Variants in NOL6 observed in about 807,000 individuals in gnomAD.
NOL6 encodes nucleolar protein 6, also known as nucleolar RNA-associated protein.
Under a neutral mutation model 131.7 loss-of-function variants are expected in NOL6, and 33 were observed. The observed-to-expected ratio is 0.25, with a 90% CI of 0.19 to 0.33. The LOEUF is 0.33. Ranked by LOEUF, NOL6 falls within the 10% of genes least tolerant of loss-of-function variation. The pLI is 1.00. For missense variants in NOL6, 1,297 were observed against 1,494.5 expected (o/e 0.87, Z 2.18); for synonymous variants, 580 against 605.7 (o/e 0.96, Z 0.62).
chr9:33,465,906 A>G lies in NOL6; in HGVS notation c.2365-9T>C, dbSNP rs200257797. 994 of 1,612,820 alleles carry G rather than the reference A, an allele frequency of 6.2e-4. 3 individuals carry two copies. Among genetic ancestry groups the G allele is most frequent in the South Asian group, 4.3e-3 (392 of 91,000 alleles). ...CGAAACACAAATCCATCCTGTTGGAAGAAGGTATGGAAAGAGAAGGATGTG... is the reference window on the plus strand; with the variant it reads ...CGAAACACAAATCCATCCTGTTGGAGGAAGGTATGGAAAGAGAAGGATGTG... On this transcript the variant is annotated splice_polypyrimidine_tract_variant and intron_variant, in intron 18 of 25. Coordinates refer to ENST00000297990, the MANE Select transcript of NOL6 (RefSeq NM_022917.5).
At chr9:33,463,663 C>A (rs980887883) in intron 23 of NOL6, among the ~76,000 whole-genome samples, 168 bp downstream of exon 23, 1 of 152,200 alleles carries the variant, frequency 6.6e-6, no homozygotes, top group Non-Finnish European at 1.5e-5. Context: ...CCAGATGGAA[C>A]CCAGGTTCCC....
chr9:33,467,622 C>T lies in NOL6; in HGVS notation c.1602+69G>A, dbSNP rs1307070950. The T allele has an allele frequency of 4.5e-6, 7 of 1,558,942 alleles. No individual in the cohort carries two copies. Among genetic ancestry groups the T allele is most frequent in the Non-Finnish European group, 6.1e-6 (7 of 1,151,066 alleles). ...CGCCTAGCTGGAGGAATGGTGTGTCCTTTGTGTCTCTTGGGACCCTGGATC... is the reference window on the plus strand; with the variant it reads ...CGCCTAGCTGGAGGAATGGTGTGTCTTTTGTGTCTCTTGGGACCCTGGATC... On this transcript the variant is annotated intron_variant, in intron 12 of 25. Transcript: ENST00000297990. This position sits in a 1 kb window ranked among gnomAD's most constrained non-coding sequence, Gnocchi z 4.4.
At chr9:33,472,934 T>C in intron 1 of NOL6, among the ~76,000 whole-genome samples, 1 of 149,332 alleles carries the variant, frequency 6.7e-6, no homozygotes, top group Non-Finnish European at 1.5e-5. Flanking sequence ...GATCGTGCCA[T>C]TGCATTCTAG....
intron 1 of NOL6, chr9:33,472,621 C>T: frequency 1.7e-6 from 1 of 589,338 alleles, no homozygotes; most frequent in Admixed American, 2.9e-5. Flanking sequence ...TAAGAGCTCT[C>T]CTGTCTACCT....
rs746091038 is a variant in NOL6 at position 33,466,169 on chromosome 9, G to A, written c.2266C>T (p.Arg756Trp). ...CGCAGCTGGAAGGCAGCTCGGACCCGCTGCACGGCCTCAGCGTCCTGTGGC... is the reference window on the plus strand; with the variant it reads ...CGCAGCTGGAAGGCAGCTCGGACCCACTGCACGGCCTCAGCGTCCTGTGGC... ...QWPQDAEAVQ[R>W]VRAAFQLRLA... is the part of the protein sequence containing the mutation. Residue 756 changes from arginine (R) to tryptophan (W), a missense_variant, in exon 18 of 26, where the codon CGG becomes TGG. Transcript: ENST00000297990. 6.2e-6 allele frequency: 10 copies of A among 1,613,140 alleles called. No individual in the cohort carries two copies. Among genetic ancestry groups the A allele is most frequent in the Middle Eastern group, 3.3e-4 (2 of 6,048 alleles).
chr9:33,462,865 G>C (rs1827135562), intron 25 of NOL6, 52 bp from the exon 26 acceptor site: 3 of 1,607,460 alleles, frequency 1.9e-6, no homozygotes, highest in African/African-American at 2.7e-5. Context: ...GGCACACCCA[G>C]AGACACCAAG....
chr9:33,462,522 G>C lies in NOL6; in HGVS notation c.*142C>G. 1 of 956,278 alleles carries C rather than the reference G, an allele frequency of 1.0e-6. No homozygotes were observed. The highest frequency in any genetic ancestry group is 1.6e-6 in the Non-Finnish European group (1 of 642,200). 59.2% of individuals were successfully genotyped at this position (956,278 alleles called of 1,614,324 possible). On this transcript the variant is annotated 3_prime_UTR_variant, in exon 26 of 26. Transcript: ENST00000297990. ...AGAGAGAAAGTTGGGGCTGGGTTTT[G>C]TTGGAGATGATTCAGCATGTTCAGC...
In NOL6 at chr9:33,463,323, A is replaced by G; in HGVS notation, c.3113T>C (p.Leu1038Pro). The G allele has an allele frequency of 1.2e-6, 2 of 1,614,130 alleles. No homozygotes were observed. The highest frequency in any genetic ancestry group is 2.2e-5 in the South Asian group (2 of 91,076). Reference sequence around the variant, plus strand: ...CAGGGATGAGGGCCCCGGCTGGCTGAGCAGGCCCCGGCAGAAGGAGGCAGC... The same window carrying G: ...CAGGGATGAGGGCCCCGGCTGGCTGGGCAGGCCCCGGCAGAAGGAGGCAGC... ...SPAASFCRGL[L>P]SQPGPSSLMP... Residue 1038 changes from leucine (L) to proline (P), a missense_variant, in exon 24 of 26, where the codon CTC (leucine) becomes CCC (proline). Leu to Pro is a moderately conservative substitution (Grantham distance 98). Transcript: ENST00000297990.
Position 33,468,971 on chromosome 9 carries a change from C to G in NOL6, c.1013G>C (p.Arg338Pro). 6.2e-7 allele frequency: 1 copy of G among 1,614,126 alleles called. No individual in the cohort carries two copies. The highest frequency in any genetic ancestry group is 8.5e-7 in the Non-Finnish European group (1 of 1,180,000). Residue 338 changes from arginine to proline, a missense_variant, in exon 7 of 26, where the codon CGG becomes CCG. Physicochemically the swap from Arg to Pro is moderately radical, Grantham distance 103 (BLOSUM62 -2). Coordinates refer to ENST00000297990, the MANE Select transcript of NOL6 (RefSeq NM_022917.5). ...VALLKVWLRQ[R>P]ELDKGQGGFT... is the part of the protein sequence containing the mutation. The stretch of plus-strand genomic sequence containing the variant: ...CCCCCAACTCACCTTGTCCAGCTCC[C>G]GCTGCCGCAGCCAGACCTTCAGAAG...
In NOL6 at chr9:33,466,614, G is replaced by A. The variant is rs149756656; in HGVS notation, c.2046C>T (p.Thr682=). 78 of 1,614,060 alleles carry A rather than the reference G, an allele frequency of 4.8e-5. No homozygotes were observed. In the Middle Eastern group the frequency reaches 4.9e-4, roughly 10 times the overall value. ...GGTGAGCTCCCTGAACAGCAGACAC[G>A]GTCAGTGGGAGACCCTCTAGCCCCC... The part of the protein sequence containing the change: ...LLWGLEGLPL[T]VSAVQGAHPV... The change falls in exon 16 of 26, where the codon ACC becomes ACT. Residue 682 remains threonine, a synonymous_variant. Coordinates refer to ENST00000297990, the MANE Select transcript of NOL6 (RefSeq NM_022917.5).
rs1827244467 is a variant in NOL6 at position 33,466,412 on chromosome 9, G to A, written c.2105C>T (p.Thr702Ile). 1 of 1,614,120 alleles carries A rather than the reference G, an allele frequency of 6.2e-7. No homozygotes were observed. The highest frequency in any genetic ancestry group is 1.3e-5 in the African/African-American group (1 of 74,950). The change falls in exon 17 of 26, where the codon ACT becomes ATT. Residue 702 changes from threonine to isoleucine, a missense_variant. By Grantham distance (89) the Thr-to-Ile change is moderately conservative. Transcript: ENST00000297990. Reference sequence around the variant, plus strand: ...GAAGGAGAAGGCTGGACGGACTGGAGTTGGTGGGAACACCTGTGGAAGAAG... The same window carrying A: ...GAAGGAGAAGGCTGGACGGACTGGAATTGGTGGGAACACCTGTGGAAGAAG... ...VLRYTEVFPPTPVRPAFSFYE... is the reference protein window; with the variant it reads ...VLRYTEVFPPIPVRPAFSFYE...
Position 33,464,903 on chromosome 9 carries a change from C to T in NOL6, c.2755G>A (p.Val919Ile). ...CCAGTGAGCTCATTATTGAGGTTGA[C>T]AAAGAGGGGGTTGTTCTTCCAATCA... ...TFDWKNNPLFVNLNNELTVEE... is the reference protein window; with the variant it reads ...TFDWKNNPLFINLNNELTVEE... Residue 919 changes from valine to isoleucine, a missense_variant, in exon 21 of 26, where the codon GTC (valine) becomes ATC (isoleucine). Physicochemically the swap from Val to Ile is conservative, Grantham distance 29. Coordinates refer to ENST00000297990, the MANE Select transcript of NOL6 (RefSeq NM_022917.5). The T allele has an allele frequency of 6.2e-7, 1 of 1,613,822 alleles. No homozygotes were observed. The highest frequency in any genetic ancestry group is 8.5e-7 in the Non-Finnish European group (1 of 1,179,832).
Position 33,468,345 on chromosome 9 carries a change from A to G in NOL6, c.1284T>C (p.Asp428=). Residue 428 remains aspartate (D), a synonymous_variant, in exon 10 of 26, where the codon GAT becomes GAC. Coordinates refer to ENST00000297990, the MANE Select transcript of NOL6 (RefSeq NM_022917.5). ...DSSGHLNLCA[D]VTASTYHQVQ... ...CCTGGTGGTAAGTAGAGGCAGTGAC[A>G]TCAGCACAGAGGTTGAGATGGCCTG... The G allele has an allele frequency of 6.2e-7, 1 of 1,614,110 alleles. No homozygotes were observed. The highest frequency in any genetic ancestry group is 8.5e-7 in the Non-Finnish European group (1 of 1,179,984).
rs527831497 is a variant in NOL6 at position 33,462,892 on chromosome 9, G to T, written c.3292-79C>A. The T allele has an allele frequency of 2.1e-5, 33 of 1,585,222 alleles. No homozygotes were observed. In the South Asian group the frequency reaches 3.8e-4, roughly 18 times the overall value. ...GACACCAAGCTGGGTACAGAGTGGGGGTGGTGGGGATAGAAACACAAGCCC... is the reference window on the plus strand; with the variant it reads ...GACACCAAGCTGGGTACAGAGTGGGTGTGGTGGGGATAGAAACACAAGCCC... On this transcript the variant is annotated intron_variant, in intron 25 of 25. Coordinates refer to ENST00000297990, the MANE Select transcript of NOL6 (RefSeq NM_022917.5).
chr9:33,468,598 T>TTAGAAGTGTC, intron 8 of NOL6, 32 bp from the exon 9 acceptor site: 1 of 1,606,846 alleles, frequency 6.2e-7, no homozygotes, highest in Non-Finnish European at 8.5e-7. Context: ...TTAGAAGGTA[T>TTAGAAGTGTC]CCCCTTCTGG....
chr9:33,472,038 C>T lies in NOL6; in HGVS notation c.344G>A (p.Arg115Gln), dbSNP rs148515044. The change falls in exon 3 of 26, where the codon CGG (arginine) becomes CAG (glutamine). Residue 115 changes from arginine (R) to glutamine (Q), a missense_variant. By Grantham distance (43) the Arg-to-Gln change is conservative. Coordinates refer to ENST00000297990, the MANE Select transcript of NOL6 (RefSeq NM_022917.5). ...IDAFLREVNQ[R>Q]VVRVPSVPET... is the part of the protein sequence containing the mutation. ...AGGGACTGAGGGCACCCTCACAACC[C>T]GCTGGTTGACCTCCCGTAGGAAGGC... The T allele has an allele frequency of 4.2e-5, 67 of 1,612,676 alleles. No homozygotes were observed. The highest frequency in any genetic ancestry group is 5.1e-5 in the Non-Finnish European group (60 of 1,180,032).
Position 33,467,347 on chromosome 9 carries a change from G to C in NOL6, c.1725+47C>G, listed in dbSNP as rs377255596. 7 of 1,610,458 alleles carry C rather than the reference G, an allele frequency of 4.3e-6. No homozygotes were observed. In the African/African-American group the frequency reaches 9.4e-5, roughly 22 times the overall value. On this transcript the variant is annotated intron_variant, in intron 13 of 25. Transcript: ENST00000297990. The surrounding 1 kb of genome is among the most constrained non-coding windows in gnomAD (Gnocchi z 4.4). ...ACAAGCTTCAGTCCAGGTGCCATGA[G>C]GACGAGCCACCCCATTCCTTCCAGT... is the stretch of plus-strand genomic sequence containing the variant.
rs1827115708 is a variant in NOL6 at position 33,462,336 on chromosome 9, A to C, written c.*328T>G. The C allele has an allele frequency of 3.0e-6, 2 of 676,708 alleles. No individual in the cohort carries two copies. The highest frequency in any genetic ancestry group is 5.5e-6 in the Non-Finnish European group (2 of 366,878). The allele number at this position is 676,708 out of a possible 1,614,324, so 41.9% of individuals were successfully genotyped here. On this transcript the variant is annotated 3_prime_UTR_variant, in exon 26 of 26. Transcript: ENST00000297990. Reference sequence around the variant, plus strand: ...TCTGTTTCTGGAAGAAGACTAAGAAAGGAGTGGGAAATCGCAGGGAGGTCC... The same window carrying C: ...TCTGTTTCTGGAAGAAGACTAAGAACGGAGTGGGAAATCGCAGGGAGGTCC...
At chr9:33,464,561 G>A (rs1827189572) in intron 21 of NOL6, among the ~76,000 whole-genome samples, 1 of 152,108 alleles carries the variant, frequency 6.6e-6, no homozygotes, top group South Asian at 2.1e-4. Flanking sequence ...CAAGAGGTCT[G>A]AGTATCTGTG....
Sources: gnomAD v4.1 joint callset for allele counts (sites outside exome capture counted in the v4.1 genomes callset) on GRCh38, gnomAD v4.1.1 for gene constraint, Gnocchi (gnomAD v3.1) non-coding constraint, MANE v1.5 for transcripts, NCBI Gene and HGNC (gene_info 2026-07-23, HGNC 2026-07-21) for gene names.